Variants in GNG2 observed in about 807,000 individuals in gnomAD.
The protein encoded by GNG2 is G protein subunit gamma 2, also known as guanine nucleotide-binding protein G(I)/G(S)/G(O) subunit gamma-2.
In GNG2, 5 loss-of-function variants were observed where a neutral mutation model predicts 5.5. That is an observed-to-expected ratio of 0.91 (90% CI 0.48 to 1.92). The LOEUF is 1.92. GNG2 is among the 30% of genes most tolerant of loss of function. GNG2 has a pLI of 0.01. For synonymous variants in GNG2, 28 were observed against 32.0 expected (o/e 0.88, Z 0.42); for missense variants, 55 against 88.4 (o/e 0.62, Z 1.52).
upstream of GNG2, among the ~76,000 whole-genome samples, chr14:51,856,633 G>C (rs1470943930): frequency 6.6e-6 from 1 of 152,114 alleles, no homozygotes; most frequent in African/African-American, 2.4e-5. Flanking sequence ...GGGTTTCACT[G>C]TGTTGGCCAG....
chr14:51,950,885 C>T (rs2140285033), intron 3 of GNG2, 120 bp downstream of exon 3: 1 of 492,502 alleles, frequency 2.0e-6, no homozygotes, highest in African/African-American at 2.0e-5. Context: ...AAAGATTAGG[C>T]AGAAGTTCAT....
At chr14:51,928,974 ATAACTT>A (rs918448659) in intron 2 of GNG2, among the ~76,000 whole-genome samples, 56 of 152,348 alleles carry the variant, frequency 3.7e-4, no homozygotes, top group African/African-American at 1.3e-3. Flanking sequence ...TCACCGAACT[ATAACTT>A]TAAGCATTTT....
chr14:51,924,985 A>C (rs539607197), intron 2 of GNG2, among the ~76,000 whole-genome samples: 173 of 152,308 alleles, frequency 1.1e-3, no homozygotes, highest in African/African-American at 3.8e-3. Flanking sequence ...ATATTCTTTA[A>C]CTCTCATTTT....
chr14:51,937,283 G>T (rs983726570), intron 2 of GNG2, among the ~76,000 whole-genome samples: 4 of 152,292 alleles, frequency 2.6e-5, no homozygotes, highest in African/African-American at 9.6e-5. Flanking sequence ...TTTGACACTT[G>T]AATAATGAGG....
intron 2 of GNG2, among the ~76,000 whole-genome samples, chr14:51,829,516 C>T (rs1171626451): frequency 6.6e-6 from 1 of 152,182 alleles, no homozygotes; most frequent in Non-Finnish European, 1.5e-5. Context: ...CCCAACTCAT[C>T]TCCTACTACA....
chr14:51,890,718 G>A (rs762541725), intron 2 of GNG2, among the ~76,000 whole-genome samples: 2 of 152,146 alleles, frequency 1.3e-5, no homozygotes, highest in Non-Finnish European at 2.9e-5. Flanking sequence ...ACAACACAAA[G>A]TATACCTGGA....
At chr14:51,889,108 G>T (rs942016875) in intron 2 of GNG2, among the ~76,000 whole-genome samples, 3 of 139,364 alleles carry the variant, frequency 2.2e-5, no homozygotes, top group East Asian at 2.1e-4. Context: ...ATGGGTTTGC[G>T]CTTTTTTTTT....
intron 2 of GNG2, among the ~76,000 whole-genome samples, chr14:51,829,813 C>A (rs1416181747): frequency 1.3e-5 from 2 of 151,346 alleles, no homozygotes; most frequent in Admixed American, 6.6e-5. Context: ...CATATTTGAC[C>A]TATGCTCCTA....
intron 2 of GNG2, among the ~76,000 whole-genome samples, chr14:51,927,943 T>A (rs1887427346): frequency 6.6e-6 from 1 of 152,084 alleles, no homozygotes; most frequent in African/African-American, 2.4e-5. Context: ...CCTGAGGTTT[T>A]TGTCATGACC....
chr14:51,961,423 T>C (rs1312334224), intron 3 of GNG2, among the ~76,000 whole-genome samples: 2 of 152,198 alleles, frequency 1.3e-5, no homozygotes. Flanking sequence ...GCAATTACTA[T>C]GAGTGTTGAA....
intron 2 of GNG2, among the ~76,000 whole-genome samples, chr14:51,901,841 A>G (rs1953858): frequency 0.9 from 136,140 of 151,848 alleles, 61,166 homozygotes; most frequent in East Asian, 1. Context: ...AGCCTGCAGT[A>G]TGCCCAGGAG....
chr14:51,843,797 C>T (rs900545493), intron 2 of GNG2, among the ~76,000 whole-genome samples: 6 of 152,170 alleles, frequency 3.9e-5, no homozygotes, highest in Non-Finnish European at 8.8e-5. Context: ...CCCAGCCCAC[C>T]TCTTCAGTCC....
Position 51,916,892 on chromosome 14 carries a change from G to A in GNG2, c.-29-33758G>A, listed in dbSNP as rs997261749. ...GAAGAGCCAGCCAAAACAGTGGGATGAAGGTAGCATTATCTGGGTGATCAG... is the reference window on the plus strand; with the variant it reads ...GAAGAGCCAGCCAAAACAGTGGGATAAAGGTAGCATTATCTGGGTGATCAG... On this transcript the variant is annotated intron_variant, in intron 2 of 3. Coordinates refer to ENST00000556766, the MANE Select transcript of GNG2 (RefSeq NM_053064.5). Among the ~76,000 whole-genome samples, 8 of 152,224 alleles carry A rather than the reference G, an allele frequency of 5.3e-5. No homozygotes were observed. The East Asian group carries it at 1.3e-3, about 26-fold the overall frequency.
intron 2 of GNG2, among the ~76,000 whole-genome samples, chr14:51,846,701 CCGT>C (rs1360871137): frequency 2.0e-5 from 3 of 152,046 alleles, no homozygotes; most frequent in African/African-American, 7.3e-5. Flanking sequence ...ATCTGCCTGC[CCGT>C]CACCATGCCA....
At chr14:51,845,300 G>A (rs888940909) in intron 2 of GNG2, among the ~76,000 whole-genome samples, 2 of 152,132 alleles carry the variant, frequency 1.3e-5, no homozygotes, top group Non-Finnish European at 2.9e-5. Context: ...AGACCAACCC[G>A]AGCAACACGG....
At chr14:51,877,757 T>A in intron 2 of GNG2, 100 bp downstream of exon 2, 1 of 370,464 alleles carries the variant, frequency 2.7e-6, no homozygotes, top group South Asian at 2.0e-5. Flanking sequence ...GCATGTGATG[T>A]TTTATTGAAA....
At chr14:51,898,898 A>T (rs901110098) in intron 2 of GNG2, among the ~76,000 whole-genome samples, 2 of 152,240 alleles carry the variant, frequency 1.3e-5, no homozygotes, top group Non-Finnish European at 2.9e-5. Context: ...GAGGTAATCC[A>T]GACCACTCAT....
intron 2 of GNG2, among the ~76,000 whole-genome samples, chr14:51,853,197 G>A (rs1881992218): frequency 6.6e-6 from 1 of 152,152 alleles, no homozygotes. Context: ...TTTATATTCA[G>A]TTAAAGTTAA....
intron 2 of GNG2, among the ~76,000 whole-genome samples, chr14:51,834,500 G>T (rs902739112): frequency 1.3e-5 from 2 of 152,228 alleles, no homozygotes; most frequent in Non-Finnish European, 2.9e-5. Flanking sequence ...CAGATGAAAG[G>T]CTGGCAAGGT....
Sources: gnomAD v4.1 joint callset for allele counts (sites outside exome capture counted in the v4.1 genomes callset) on GRCh38, gnomAD v4.1.1 for gene constraint, MANE v1.5 for transcripts, NCBI Gene and HGNC (gene_info 2026-07-23, HGNC 2026-07-21) for gene names.